The following CTNNA2 variants were observed in gnomAD, a reference collection of about 807,000 sequenced individuals.
The protein encoded by CTNNA2 is catenin alpha 2.
In CTNNA2, 42 loss-of-function variants were observed where a neutral mutation model predicts 101.0. The observed-to-expected ratio is 0.42, with a 90% CI of 0.32 to 0.54. The LOEUF (loss-of-function observed/expected upper bound fraction) is 0.54, where lower values mean the gene tolerates loss of function less well. Among genes scored for constraint, CTNNA2 ranks in the 20% least tolerant of loss-of-function variants. CTNNA2 has a pLI of 0.14. For missense variants in CTNNA2, 871 were observed against 1,223.1 expected (o/e 0.71, Z 4.29); for synonymous variants, 450 against 456.4 (o/e 0.99, Z 0.18).
intron 7 of CTNNA2, among the ~76,000 whole-genome samples, chr2:80,133,046 A>T (rs1235513658): frequency 6.6e-6 from 1 of 152,232 alleles, no homozygotes; most frequent in Non-Finnish European, 1.5e-5. Flanking sequence ...AGTTAAGATG[A>T]GGTCATTAGA....
chr2:79,679,646 T>C (rs1271113601), intron 2 of CTNNA2, among the ~76,000 whole-genome samples: 3 of 152,074 alleles, frequency 2.0e-5, no homozygotes, highest in African/African-American at 7.2e-5. Flanking sequence ...GGAGTTAGGG[T>C]GAACGTTTGT....
intron 9 of CTNNA2, among the ~76,000 whole-genome samples, chr2:80,448,986 T>G (rs1324827439): frequency 6.6e-6 from 1 of 152,200 alleles, no homozygotes; most frequent in Non-Finnish European, 1.5e-5. Context: ...GAGCTGATGC[T>G]AGGGGTCATG....
chr2:79,422,581 A>G (rs1678550882), intron 4 of CTNNA2, among the ~76,000 whole-genome samples: 1 of 152,216 alleles, frequency 6.6e-6, no homozygotes, highest in Non-Finnish European at 1.5e-5. Flanking sequence ...GTAGCTTACA[A>G]CTTAGAGTAA....
At chr2:80,465,691 A>C (rs541326410) in intron 9 of CTNNA2, among the ~76,000 whole-genome samples, 82 of 152,238 alleles carry the variant, frequency 5.4e-4, no homozygotes, top group African/African-American at 1.8e-3. Context: ...CCTCTATTTT[A>C]TCCTAACTTC....
intron 2 of CTNNA2, among the ~76,000 whole-genome samples, chr2:79,738,045 T>C (rs1671021618): frequency 6.6e-6 from 1 of 152,202 alleles, no homozygotes; most frequent in South Asian, 2.1e-4. Context: ...AATGAAATGG[T>C]CTTGGCCACT....
At chr2:80,135,346 G>A (rs1441508485) in intron 7 of CTNNA2, among the ~76,000 whole-genome samples, 2 of 152,198 alleles carry the variant, frequency 1.3e-5, no homozygotes, top group East Asian at 3.9e-4. Context: ...TGAAACTCAT[G>A]GGGAGCAATC....
chr2:79,595,258 C>T (rs552294844), intron 1 of CTNNA2, among the ~76,000 whole-genome samples: 1 of 152,152 alleles, frequency 6.6e-6, no homozygotes, highest in South Asian at 2.1e-4. Flanking sequence ...CTCCAGGTCC[C>T]ATTTTTCACC....
intron 2 of CTNNA2, among the ~76,000 whole-genome samples, chr2:79,704,349 T>C (rs1685205518): frequency 1.3e-5 from 2 of 152,168 alleles, no homozygotes; most frequent in African/African-American, 2.4e-5. Context: ...TGAAAGAAAA[T>C]ATATTTTGAC....
chr2:80,194,412 T>A (rs1706707915), intron 7 of CTNNA2, among the ~76,000 whole-genome samples: 2 of 152,122 alleles, frequency 1.3e-5, no homozygotes, highest in Non-Finnish European at 2.9e-5. Context: ...TATACTAAGT[T>A]TAGCAGTGCT....
At chr2:79,968,427 G>T (rs1474193975) in intron 7 of CTNNA2, among the ~76,000 whole-genome samples, 1 of 152,100 alleles carries the variant, frequency 6.6e-6, no homozygotes, top group Non-Finnish European at 1.5e-5. Context: ...TATGAACCCA[G>T]GAATCAGCTT....
At chr2:79,620,430 G>A (rs1209674585) in intron 1 of CTNNA2, among the ~76,000 whole-genome samples, 1 of 152,132 alleles carries the variant, frequency 6.6e-6, no homozygotes, top group Non-Finnish European at 1.5e-5. Context: ...CACCTTATAT[G>A]TGAAATCCTT....
Position 80,048,125 on chromosome 2 carries a change from A to AAAC in CTNNA2, c.1056+138348_1056+138350dup, listed in dbSNP as rs538045186. On this transcript the variant is annotated intron_variant, in intron 7 of 18. Coordinates refer to ENST00000402739, the MANE Select transcript of CTNNA2 (RefSeq NM_001282597.3). ...ATAGGATCACCAGATTTAACAAATT[A>AAAC]AACAACAACAACAACAACAACAGAG... is the stretch of plus-strand genomic sequence containing the variant. Among the ~76,000 whole-genome samples, 697 of 152,238 alleles carry AAAC rather than the reference A, an allele frequency of 4.6e-3. 2 individuals are homozygous for AAAC. The highest frequency in any genetic ancestry group is 6.7e-3 in the African/African-American group (278 of 41,542).
chr2:79,224,238 C>G (rs1470630384), intron 2 of CTNNA2, among the ~76,000 whole-genome samples: 1 of 152,070 alleles, frequency 6.6e-6, no homozygotes, highest in African/African-American at 2.4e-5. Context: ...TTTAATGATT[C>G]CTTTCCCATT....
chr2:79,361,372 C>T (rs183093527), intron 3 of CTNNA2, among the ~76,000 whole-genome samples: 10 of 151,500 alleles, frequency 6.6e-5, no homozygotes, highest in African/African-American at 2.4e-4. Flanking sequence ...TCCCATTTGG[C>T]AGAAAAAAAA....
chr2:79,533,102 CT>C (rs1465542514), intron 1 of CTNNA2, among the ~76,000 whole-genome samples: 1 of 151,878 alleles, frequency 6.6e-6, no homozygotes, highest in African/African-American at 2.4e-5. Context: ...AGTCTCGCTC[CT>C]TGATGAATTT....
At chr2:79,996,466 G>T (rs985772788) in intron 7 of CTNNA2, among the ~76,000 whole-genome samples, 6 of 152,148 alleles carry the variant, frequency 3.9e-5, no homozygotes, top group Non-Finnish European at 8.8e-5. Context: ...GCAGAAAAAA[G>T]AAGATATGGG....
chr2:79,469,827 C>G (rs1298212032), intron 4 of CTNNA2, among the ~76,000 whole-genome samples: 1 of 152,190 alleles, frequency 6.6e-6, no homozygotes, highest in African/African-American at 2.4e-5. Context: ...CAAAATTCAA[C>G]AGCCCTTCAT....
chr2:79,315,499 C>A (rs552058244), intron 3 of CTNNA2, among the ~76,000 whole-genome samples: 1 of 152,160 alleles, frequency 6.6e-6, no homozygotes, highest in Non-Finnish European at 1.5e-5. Context: ...TGGAATCTTA[C>A]AATGCATGGT....
chr2:80,173,752 C>G (rs564374136), intron 7 of CTNNA2, among the ~76,000 whole-genome samples: 1 of 152,072 alleles, frequency 6.6e-6, no homozygotes, highest in Non-Finnish European at 1.5e-5. Context: ...GGGTGCATGG[C>G]GTCTGCATCA....
Sources: allele counts gnomAD v4.1 joint callset (sites outside exome capture counted in the v4.1 genomes callset), GRCh38; gene constraint gnomAD v4.1.1; transcripts MANE v1.5; gene names NCBI Gene and HGNC (gene_info 2026-07-23, HGNC 2026-07-21).